TULP4: variants seen among roughly 807,000 people sequenced by gnomAD.
TULP4 encodes tubby-related protein 4.
A neutral mutation model predicts 129.0 loss-of-function variants in TULP4; 16 were observed. The observed-to-expected ratio is 0.12, with a 90% CI of 0.08 to 0.19. TULP4 has a LOEUF of 0.19. TULP4 is among the 10% of genes least tolerant of loss of function. TULP4 has a pLI of 1.00. For missense variants in TULP4, 1,842 were observed against 2,059.1 expected, an observed-to-expected ratio of 0.89 and a Z score of 2.04; for synonymous variants, 998 against 854.0, an observed-to-expected ratio of 1.17 and a Z score of -2.94.
intron 2 of TULP4, among the ~76,000 whole-genome samples, chr6:158,427,305 C>T (rs1778517560): frequency 6.6e-6 from 1 of 151,940 alleles, no homozygotes; most frequent in Non-Finnish European, 1.5e-5. Flanking sequence ...CACTGTTTGC[C>T]TAGGACTAGG....
At chr6:158,258,226 G>A (rs1240858514) in intron 1 of TULP4, among the ~76,000 whole-genome samples, 1 of 152,208 alleles carries the variant, frequency 6.6e-6, no homozygotes, top group Non-Finnish European at 1.5e-5. Context: ...ATTGGGCTAG[G>A]ATGCTGCATG....
At chr6:158,263,830 A>G (rs1338014001) in intron 1 of TULP4, among the ~76,000 whole-genome samples, 1 of 152,136 alleles carries the variant, frequency 6.6e-6, no homozygotes, top group Non-Finnish European at 1.5e-5. Context: ...TGGGAGGCCT[A>G]GGCGGGCGGA....
chr6:158,461,806 A>G (rs1779434568), intron 6 of TULP4, 77 bp downstream of exon 6: 1 of 1,472,086 alleles, frequency 6.8e-7, no homozygotes, highest in African/African-American at 1.4e-5. Context: ...TTGTTGACAA[A>G]TTTTATTTTA....
Position 158,495,788 on chromosome 6 carries a change from C to T in TULP4, c.1870+942C>T, listed in dbSNP as rs1046737190. 9.9e-5 allele frequency among the ~76,000 whole-genome samples: 15 copies of T among 151,256 alleles called. 1 individual carries two copies. Among genetic ancestry groups the T allele is most frequent in the Non-Finnish European group, 1.3e-4 (9 of 67,922 alleles). ...CCAGGGGGCGGAGGTTGCTGTGAGCCGAGATCACGCCACTGCACTCCAGCC... is the reference window on the plus strand; with the variant it reads ...CCAGGGGGCGGAGGTTGCTGTGAGCTGAGATCACGCCACTGCACTCCAGCC... On this transcript the variant is annotated intron_variant, in intron 11 of 13. Coordinates refer to ENST00000367097, the MANE Select transcript of TULP4 (RefSeq NM_020245.5).
intron 1 of TULP4, among the ~76,000 whole-genome samples, chr6:158,251,495 T>TAC (rs1778138398): frequency 6.6e-6 from 1 of 152,240 alleles, no homozygotes; most frequent in Non-Finnish European, 1.5e-5. Context: ...TTGAAAGAAG[T>TAC]ACACTGTCTC....
upstream of TULP4, among the ~76,000 whole-genome samples, chr6:158,281,000 T>G (rs1409517185): frequency 6.6e-6 from 1 of 152,178 alleles, no homozygotes; most frequent in African/African-American, 2.4e-5. Context: ...AATAACTCAC[T>G]TGTAGCTTTT....
chr6:158,272,295 C>T (rs1778566031), intron 1 of TULP4, among the ~76,000 whole-genome samples: 1 of 152,202 alleles, frequency 6.6e-6, no homozygotes. Context: ...TATTTTCTTT[C>T]TTCCTCCCTT....
intron 1 of TULP4, among the ~76,000 whole-genome samples, chr6:158,250,302 C>T (rs566562961): frequency 1.2e-3 from 182 of 152,128 alleles, no homozygotes; most frequent in African/African-American, 4.1e-3. Flanking sequence ...GGACTACAGG[C>T]GCCTGCCACC....
intron 6 of TULP4, among the ~76,000 whole-genome samples, chr6:158,472,739 G>C (rs1321574847): frequency 1.3e-5 from 2 of 152,184 alleles, no homozygotes; most frequent in Non-Finnish European, 2.9e-5. Flanking sequence ...ACCATTGCCT[G>C]GGACGAACTT....
intron 1 of TULP4, among the ~76,000 whole-genome samples, chr6:158,306,515 C>T (rs1343226534): frequency 6.6e-6 from 1 of 152,136 alleles, no homozygotes; most frequent in Non-Finnish European, 1.5e-5. Flanking sequence ...GCCAAGATTG[C>T]GCCACTGCAC....
rs1421032856 is a variant in TULP4, at chr6:158,479,880, G to A, written c.1156G>A (p.Ala386Thr). 6.2e-6 allele frequency: 10 copies of A among 1,613,472 alleles called. No individual in the cohort carries two copies. Among genetic ancestry groups the A allele is most frequent in the South Asian group, 1.1e-5 (1 of 91,082 alleles). Residue 386 changes from alanine to threonine, a missense_variant, in exon 7 of 14, where the codon GCC (alanine) becomes ACC (threonine). Transcript: ENST00000367097. ...SLQLLCQQAI[A>T]STLREDKDVS... Reference sequence around the variant, plus strand: ...GCAGCTGCTGTGCCAGCAGGCCATCGCCAGCACCTTGCGTGAGGACAAGGA... The same window carrying A: ...GCAGCTGCTGTGCCAGCAGGCCATCACCAGCACCTTGCGTGAGGACAAGGA...
chr6:158,281,573 G>A (rs1778754132), upstream of TULP4, among the ~76,000 whole-genome samples: 3 of 152,276 alleles, frequency 2.0e-5, no homozygotes, highest in South Asian at 6.2e-4. Flanking sequence ...AGGGAGGTGG[G>A]TAAATGCAGT....
At position 158,393,853 on chromosome 6, in the gene TULP4, G is replaced by A. The variant is rs538270001; in HGVS notation, c.253-19212G>A. Among the ~76,000 whole-genome samples, 5 of 152,348 alleles carry A rather than the reference G, an allele frequency of 3.3e-5. No individual in the cohort carries two copies. The South Asian group carries it at 6.2e-4, about 19-fold the overall frequency. Reference sequence around the variant, plus strand: ...GAGACATTTTCCCCATCGTCTTGGCGATTAACATTCAGCTCCTCTTTACTT... The same window carrying A: ...GAGACATTTTCCCCATCGTCTTGGCAATTAACATTCAGCTCCTCTTTACTT... On this transcript the variant is annotated intron_variant, in intron 1 of 13. Transcript: ENST00000367097.
At chr6:158,492,075 G>A (rs1189187946) in intron 9 of TULP4, among the ~76,000 whole-genome samples, 7 of 152,034 alleles carry the variant, frequency 4.6e-5, no homozygotes, top group East Asian at 1.9e-4. Context: ...GGCCAGGATG[G>A]TCTCAAACTC....
At chr6:158,353,687 C>T (rs116408697) in intron 1 of TULP4, among the ~76,000 whole-genome samples, 4,852 of 152,274 alleles carry the variant, frequency 0.032, 100 homozygotes, top group Non-Finnish European at 0.041. Flanking sequence ...GATACAGAGT[C>T]TGAAAATACT....
In TULP4 at chr6:158,489,365, A is replaced by C. The variant is rs555436089; in HGVS notation, c.1487-223A>C. On this transcript the variant is annotated intron_variant, in intron 8 of 13. Transcript: ENST00000367097. ...GTCTATTTCGTACATTCCTAGAAAC[A>C]TTAAAATACCATGCCCATTTTGACA... Among the ~76,000 whole-genome samples the C allele has an allele frequency of 3.3e-5, 5 of 152,334 alleles. No homozygotes were observed. In the South Asian group the frequency reaches 1.0e-3, roughly 32 times the overall value.
At position 158,501,746 on chromosome 6, in the gene TULP4, C is replaced by G; in HGVS notation, c.2083C>G (p.His695Asp). 1 of 1,614,136 alleles carries G rather than the reference C, an allele frequency of 6.2e-7. No homozygotes were observed. The highest frequency in any genetic ancestry group is 8.5e-7 in the Non-Finnish European group (1 of 1,180,028). Residue 695 changes from histidine (H) to aspartate (D), a missense_variant, in exon 13 of 14, where the codon CAC (histidine) becomes GAC (aspartate). By Grantham distance (81) the His-to-Asp change is moderately conservative. Transcript: ENST00000367097. Reference sequence around the variant, plus strand: ...CGTGAACATCCCTATTGCACCGATCCACAGCTCGGCTCAGGCTATGTCCCC... The same window carrying G: ...CGTGAACATCCCTATTGCACCGATCGACAGCTCGGCTCAGGCTATGTCCCC... ...CTVNIPIAPIHSSAQAMSPTQ... is the reference protein window; with the variant it reads ...CTVNIPIAPIDSSAQAMSPTQ...
At chr6:158,248,967 T>C (rs1583674116) in intron 1 of TULP4, among the ~76,000 whole-genome samples, 1 of 150,644 alleles carries the variant, frequency 6.6e-6, no homozygotes, top group East Asian at 2.0e-4. Context: ...CTGCAACTAA[T>C]GTAAAAAATT....
intron 8 of TULP4, among the ~76,000 whole-genome samples, chr6:158,482,628 C>T (rs545557195): frequency 6.3e-4 from 96 of 152,178 alleles, no homozygotes; most frequent in Non-Finnish European, 1.1e-3. Flanking sequence ...AGAAGGGCCA[C>T]CAATGGTTAG....
Sources: allele counts gnomAD v4.1 joint callset (sites outside exome capture counted in the v4.1 genomes callset), GRCh38; gene constraint gnomAD v4.1.1; transcripts MANE v1.5; gene names NCBI Gene and HGNC (gene_info 2026-07-23, HGNC 2026-07-21).